The following ACTN1 variants were observed in gnomAD, a reference collection of about 807,000 sequenced individuals.
ACTN1 encodes the protein alpha-actinin-1.
ACTN1 carries 30 observed loss-of-function variants against 119.6 expected under a neutral mutation model. The ratio of observed to expected loss-of-function variants is 0.25; its 90% CI spans 0.19 to 0.34. The LOEUF is 0.34. Ranked by LOEUF, ACTN1 falls within the 10% of genes least tolerant of loss-of-function variation. ACTN1 has a pLI of 1.00. For missense variants in ACTN1, 764 were observed against 1,223.4 expected (o/e 0.62, Z 5.60); for synonymous variants, 429 against 472.6 (o/e 0.91, Z 1.20).
intron 1 of ACTN1, among the ~76,000 whole-genome samples, chr14:68,936,276 C>G (rs957353996): frequency 8.5e-5 from 13 of 152,112 alleles, no homozygotes; most frequent in African/African-American, 2.2e-4. Flanking sequence ...GTTTCTGTCT[C>G]AAGACAGCCA....
chr14:68,938,639 T>G (rs1296918967), intron 1 of ACTN1, among the ~76,000 whole-genome samples: 1 of 152,084 alleles, frequency 6.6e-6, no homozygotes, highest in Non-Finnish European at 1.5e-5. Flanking sequence ...AGTTAAACTG[T>G]CTAGGTGTCA....
At chr14:68,957,194 G>C (rs772240555) in intron 1 of ACTN1, among the ~76,000 whole-genome samples, 3 of 152,162 alleles carry the variant, frequency 2.0e-5, no homozygotes, top group East Asian at 3.8e-4. Flanking sequence ...TAAGAACATC[G>C]AGCATCTATC....
Position 68,978,692 on chromosome 14 carries a change from C to A in ACTN1, c.105+260G>T, listed in dbSNP as rs553196204. On this transcript the variant is annotated intron_variant, in intron 1 of 21. Coordinates refer to ENST00000394419, the MANE Select transcript of ACTN1 (RefSeq NM_001130004.2). Reference sequence around the variant, plus strand: ...CGCAGGGTGGCCTGGACCACGGACCCCCAAGGAGACCTGCCCGCCAGCGGC... The same window carrying A: ...CGCAGGGTGGCCTGGACCACGGACCACCAAGGAGACCTGCCCGCCAGCGGC... 4.2e-5 allele frequency: 14 copies of A among 333,118 alleles called. No individual in the cohort carries two copies. In the South Asian group the frequency reaches 8.6e-4, roughly 20 times the overall value. The allele number at this position is 333,118 out of a possible 1,614,324, so 20.6% of individuals were successfully genotyped here. A position where few individuals can be genotyped will look rare whatever the true frequency, so the allele number is the denominator to read the frequency against.
intron 1 of ACTN1, among the ~76,000 whole-genome samples, chr14:68,960,748 TA>T (rs11332256): frequency 0.47 from 66,112 of 141,522 alleles, 15,020 homozygotes; most frequent in African/African-American, 0.52. Context: ...CTATCTCTAT[TA>T]AAAAAAAAAA....
chr14:68,932,166 G>A (rs549124069), intron 1 of ACTN1, among the ~76,000 whole-genome samples: 1 of 152,018 alleles, frequency 6.6e-6, no homozygotes, highest in South Asian at 2.1e-4. Context: ...TGAATCAGTG[G>A]ACTGGGAAAG....
Position 68,921,096 on chromosome 14 carries a change from T to C in ACTN1, c.250A>G (p.Lys84Glu). ...GERLAKPERG[K>E]MRVHKISNVN... ...TTGGAGATCTTGTGCACTCTCATCT[T>C]GCCTCGCTCTGGCTTGGCCAAGCGT... Residue 84 changes from lysine (K) to glutamate (E), a missense_variant, in exon 3 of 22, where the codon AAG becomes GAG. By Grantham distance (56) the Lys-to-Glu change is moderately conservative. Coordinates refer to ENST00000394419, the MANE Select transcript of ACTN1 (RefSeq NM_001130004.2). The C allele has an allele frequency of 6.2e-7, 1 of 1,614,196 alleles. No individual in the cohort carries two copies. Among genetic ancestry groups the C allele is most frequent in the Non-Finnish European group, 8.5e-7 (1 of 1,180,014 alleles).
At chr14:68,952,293 G>T (rs2036195080) in intron 1 of ACTN1, among the ~76,000 whole-genome samples, 1 of 152,230 alleles carries the variant, frequency 6.6e-6, no homozygotes, top group African/African-American at 2.4e-5. Flanking sequence ...CCCCAGCTTG[G>T]ACTCCGCAGC....
chr14:68,941,318 C>T (rs1237902324), intron 1 of ACTN1, among the ~76,000 whole-genome samples: 1 of 152,222 alleles, frequency 6.6e-6, no homozygotes, highest in Non-Finnish European at 1.5e-5. Context: ...TGTTAAAATA[C>T]AGATTGCTGG....
chr14:68,979,199 C>T lies in ACTN1; in HGVS notation c.-143G>A, dbSNP rs1042993005. ...CTCGCTCCCCTGCGCCCGGTTCCGC[C>T]GCGGCGCTGCTGGCGAAGGCTGCTA... On this transcript the variant is annotated 5_prime_UTR_variant, in exon 1 of 22. Coordinates refer to ENST00000394419, the MANE Select transcript of ACTN1 (RefSeq NM_001130004.2). 6.7e-5 allele frequency: 34 copies of T among 505,642 alleles called. No individual in the cohort carries two copies. Among genetic ancestry groups the T allele is most frequent in the African/African-American group, 6.1e-4 (30 of 48,874 alleles). The allele number at this position is 505,642 out of a possible 1,614,324, so 31.3% of individuals were successfully genotyped here.
intron 1 of ACTN1, among the ~76,000 whole-genome samples, chr14:68,954,618 A>G (rs767796662): frequency 4.6e-5 from 7 of 152,012 alleles, no homozygotes; most frequent in Non-Finnish European, 1.0e-4. Context: ...GAGCCACCAC[A>G]CCCGGCCCAT....
In ACTN1 at chr14:68,877,165, T is replaced by G; in HGVS notation, c.2503A>C (p.Ile835Leu). Reference protein sequence around the residue: ...RLGVVTFQAFIDFMSRETADT... With the variant: ...RLGVVTFQAFLDFMSRETADT... Reference sequence around the variant, plus strand: ...GCTGTCTCGCGGGACATGAAGTCAATGAAGGCCTGGAATGTCACTACCCCC... The same window carrying G: ...GCTGTCTCGCGGGACATGAAGTCAAGGAAGGCCTGGAATGTCACTACCCCC... The change falls in exon 21 of 22, where the codon ATT becomes CTT. Residue 835 changes from isoleucine (I) to leucine (L), a missense_variant. By Grantham distance (5) the Ile-to-Leu change is conservative. Around this residue, in one of 4 missense-constraint regions of ACTN1, gnomAD observed 544 missense variants for 912.0 expected, o/e 0.60. Transcript: ENST00000394419. 2 of 1,614,186 alleles carry G rather than the reference T, an allele frequency of 1.2e-6. No homozygotes were observed. The highest frequency in any genetic ancestry group is 2.7e-5 in the African/African-American group (2 of 75,036).
At chr14:68,946,048 G>A (rs28514277) in intron 1 of ACTN1, among the ~76,000 whole-genome samples, 4,388 of 152,162 alleles carry the variant, frequency 0.029, 186 homozygotes, top group African/African-American at 0.1. Flanking sequence ...TTCCACCCGC[G>A]GTGGCAGTCA....
chr14:68,914,276 T>C (rs1211012340), intron 3 of ACTN1, among the ~76,000 whole-genome samples: 1 of 152,000 alleles, frequency 6.6e-6, no homozygotes, highest in East Asian at 1.9e-4. Flanking sequence ...GCACTTTCAT[T>C]TGTTATTTCC....
At chr14:68,937,632 C>G (rs1401997709) in intron 1 of ACTN1, among the ~76,000 whole-genome samples, 2 of 152,216 alleles carry the variant, frequency 1.3e-5, no homozygotes, top group Non-Finnish European at 2.9e-5. Flanking sequence ...AAGGGCTGTG[C>G]TCTGGCCAAG....
intron 1 of ACTN1, among the ~76,000 whole-genome samples, chr14:68,934,155 TCTG>T (rs2035367690): frequency 6.6e-6 from 1 of 152,172 alleles, no homozygotes; most frequent in Non-Finnish European, 1.5e-5. Context: ...GCTTTCTAAG[TCTG>T]CTAATAAAGT....
Position 68,898,449 on chromosome 14 carries a change from C to T in ACTN1, c.762+4028G>A, listed in dbSNP as rs367652128. ...ACCACACGTGCACACACACATTAGG[C>T]GCTGTTGCCTTTTCATTCCACCATA... On this transcript the variant is annotated intron_variant, in intron 8 of 21. Coordinates refer to ENST00000394419, the MANE Select transcript of ACTN1 (RefSeq NM_001130004.2). 1.3e-4 allele frequency among the ~76,000 whole-genome samples: 20 copies of T among 152,324 alleles called. No individual in the cohort carries two copies. In the East Asian group the frequency reaches 2.1e-3, roughly 16 times the overall value.
At chr14:68,964,357 G>A (rs957346312) in intron 1 of ACTN1, among the ~76,000 whole-genome samples, 12 of 152,320 alleles carry the variant, frequency 7.9e-5, no homozygotes, top group African/African-American at 2.9e-4. Context: ...AACACAGCAC[G>A]GGGACTTCAG....
At chr14:68,977,659 G>GA (rs1000646300) in intron 1 of ACTN1, 11,336 of 256,030 alleles carry the variant, frequency 0.044, no homozygotes, top group South Asian at 0.086. Flanking sequence ...GCCTTTGGCT[G>GA]AAAAAAAAAA....
rs115700080 is a variant in ACTN1 at position 68,930,666 on chromosome 14, T to G, written c.106-4994A>C. ...GACTGCAAATCCAGGCCTATCAGCT[T>G]CTAGCAGGTGGTAAACCCTGGACAA... On this transcript the variant is annotated intron_variant, in intron 1 of 21. Transcript: ENST00000394419. Among the ~76,000 whole-genome samples, 863 of 152,292 alleles carry G rather than the reference T, an allele frequency of 5.7e-3. 6 individuals are homozygous for G. Among genetic ancestry groups the G allele is most frequent in the African/African-American group, 0.019 (807 of 41,554 alleles).
Sources: gnomAD v4.1 joint callset for allele counts (sites outside exome capture counted in the v4.1 genomes callset) on GRCh38, gnomAD v4.1.1 for gene constraint, gnomAD v4.1.1 regional missense constraint, MANE v1.5 for transcripts, NCBI Gene and HGNC (gene_info 2026-07-23, HGNC 2026-07-21) for gene names.